Variants in PHYHIPL observed in about 807,000 individuals in gnomAD.
The protein encoded by PHYHIPL is phytanoyl-CoA 2-hydroxylase interacting protein like.
In PHYHIPL, 9 loss-of-function variants were observed where a neutral mutation model predicts 33.4. The ratio of observed to expected loss-of-function variants is 0.27; its 90% CI spans 0.16 to 0.47. PHYHIPL has a LOEUF of 0.47. PHYHIPL is among the 20% of genes least tolerant of loss of function. The pLI is 0.99. For missense variants in PHYHIPL, 365 were observed against 460.7 expected, an observed-to-expected ratio of 0.79 and a Z score of 1.90; for synonymous variants, 153 against 154.1, an observed-to-expected ratio of 0.99 and a Z score of 0.05.
intron 4 of PHYHIPL, among the ~76,000 whole-genome samples, chr10:59,242,493 G>A (rs1387214723): frequency 6.6e-6 from 1 of 152,026 alleles, no homozygotes; most frequent in Non-Finnish European, 1.5e-5. Context: ...AACTTAAAAT[G>A]TCCAGGATAC....
rs184545791 is a variant in PHYHIPL, at chr10:59,178,689, A to C, written c.106+1730A>C. Among the ~76,000 whole-genome samples the C allele has an allele frequency of 4.8e-3, 725 of 152,264 alleles. 4 individuals carry two copies. The highest frequency in any genetic ancestry group is 0.017 in the African/African-American group (700 of 41,568). ...CTCAATACTTAAAACCGCATTTACC[A>C]CGTGTTTCAAAGATATTAGGGAAAA... On this transcript the variant is annotated intron_variant, in intron 1 of 4. Transcript: ENST00000373880.
In PHYHIPL at chr10:59,233,209, A is replaced by G. The variant is rs7919419; in HGVS notation, c.107-1095A>G. 9.8e-3 allele frequency among the ~76,000 whole-genome samples: 1,487 copies of G among 152,060 alleles called. 27 individuals carry two copies. Among genetic ancestry groups the G allele is most frequent in the African/African-American group, 0.034 (1,427 of 41,548 alleles). ...ACAACGCAGCTTCAGATGAGACAAC[A>G]TGGGTCAAAGATTTAATGAAGTTGG... On this transcript the variant is annotated intron_variant, in intron 1 of 4. Transcript: ENST00000373880.
chr10:59,217,003 ATACTT>A lies in PHYHIPL; in HGVS notation c.107-17291_107-17287del, dbSNP rs543681667. ...TAACTATCTGAGAAAATAGTTTGTAATACTTTACTTTACTATTCTTGGAGTGAGAT... is the reference window on the plus strand; with the variant it reads ...TAACTATCTGAGAAAATAGTTTGTAATACTTTACTATTCTTGGAGTGAGAT... On this transcript the variant is annotated intron_variant, in intron 1 of 4. Transcript: ENST00000373880. Among the ~76,000 whole-genome samples, 546 of 152,200 alleles carry A rather than the reference ATACTT, an allele frequency of 3.6e-3. 4 individuals are homozygous for A. Among genetic ancestry groups the A allele is most frequent in the African/African-American group, 9.5e-3 (394 of 41,558 alleles).
intron 1 of PHYHIPL, among the ~76,000 whole-genome samples, chr10:59,209,365 G>A (rs1305995621): frequency 2.0e-5 from 3 of 152,134 alleles, no homozygotes; most frequent in African/African-American, 7.2e-5. Context: ...ATTCTTTACA[G>A]AGAAGCAAAT....
intron 1 of PHYHIPL, among the ~76,000 whole-genome samples, chr10:59,199,560 A>T (rs576848706): frequency 2.6e-5 from 4 of 152,182 alleles, no homozygotes; most frequent in Non-Finnish European, 4.4e-5. Context: ...GTTCCATATG[A>T]ACTTTAAAGT....
At chr10:59,242,890 T>TATC (rs1280236815) in intron 4 of PHYHIPL, among the ~76,000 whole-genome samples, 1 of 152,148 alleles carries the variant, frequency 6.6e-6, no homozygotes, top group Non-Finnish European at 1.5e-5. Flanking sequence ...GAAAAATATA[T>TATC]ATCAGTCTTA....
intron 1 of PHYHIPL, among the ~76,000 whole-genome samples, chr10:59,202,614 T>G (rs899628813): frequency 1.3e-5 from 2 of 152,208 alleles, no homozygotes; most frequent in African/African-American, 2.4e-5. Context: ...AGTGCTTAAA[T>G]AGTATTACAT....
chr10:59,185,920 G>A (rs553639307), intron 1 of PHYHIPL, among the ~76,000 whole-genome samples: 1 of 152,136 alleles, frequency 6.6e-6, no homozygotes, highest in African/African-American at 2.4e-5. Flanking sequence ...TATGTTGCCT[G>A]TTCACTCTGT....
chr10:59,192,265 T>G (rs1056594703), intron 1 of PHYHIPL, among the ~76,000 whole-genome samples: 8 of 152,270 alleles, frequency 5.3e-5, no homozygotes, highest in Non-Finnish European at 7.4e-5. Flanking sequence ...ATGATAATGT[T>G]TGATACACTT....
intron 1 of PHYHIPL, among the ~76,000 whole-genome samples, chr10:59,223,602 C>T (rs929215736): frequency 3.3e-5 from 5 of 151,600 alleles, no homozygotes; most frequent in East Asian, 1.9e-4. Flanking sequence ...ATATGAATAA[C>T]GATGATAAAA....
chr10:59,207,890 CAAAA>C, intron 1 of PHYHIPL, among the ~76,000 whole-genome samples: 1 of 91,382 alleles, frequency 1.1e-5, no homozygotes, highest in East Asian at 3.3e-4. Context: ...GACTCTGTCT[CAAAA>C]AAAAAAAAAA....
intron 1 of PHYHIPL, among the ~76,000 whole-genome samples, chr10:59,225,605 A>T (rs1471204167): frequency 6.6e-6 from 1 of 152,198 alleles, no homozygotes; most frequent in African/African-American, 2.4e-5. Context: ...GAATACTGGT[A>T]GTAGAAAGCC....
chr10:59,208,476 C>T (rs1031160977), intron 1 of PHYHIPL, among the ~76,000 whole-genome samples: 2 of 152,090 alleles, frequency 1.3e-5, no homozygotes, highest in South Asian at 2.1e-4. Flanking sequence ...GAAAAACCAG[C>T]GCAAAAAGGC....
chr10:59,209,395 A>G lies in PHYHIPL; in HGVS notation c.107-24909A>G, dbSNP rs370300256. On this transcript the variant is annotated intron_variant, in intron 1 of 4. Coordinates refer to ENST00000373880, the MANE Select transcript of PHYHIPL (RefSeq NM_032439.4). ...GCAAATGCTGAGAGATTTTGTCACC[A>G]CTAGGCCTGCCTTACAAAAGCTTCT... is the stretch of plus-strand genomic sequence containing the variant. Among the ~76,000 whole-genome samples, 9 of 152,322 alleles carry G rather than the reference A, an allele frequency of 5.9e-5. No homozygotes were observed. The East Asian group carries it at 1.7e-3, about 29-fold the overall frequency.
intron 1 of PHYHIPL, among the ~76,000 whole-genome samples, chr10:59,178,788 G>A (rs1838322807): frequency 6.6e-6 from 1 of 152,118 alleles, no homozygotes. Context: ...TGATCCCCTA[G>A]AGGAGTAGCT....
intron 1 of PHYHIPL, among the ~76,000 whole-genome samples, chr10:59,199,894 G>A (rs905226254): frequency 2.0e-5 from 3 of 152,074 alleles, no homozygotes; most frequent in Admixed American, 2.0e-4. Flanking sequence ...TGTGATTTTT[G>A]CACCTTGATT....
intron 1 of PHYHIPL, among the ~76,000 whole-genome samples, chr10:59,210,614 T>G (rs780433101): frequency 5.9e-4 from 90 of 152,122 alleles, no homozygotes; most frequent in Non-Finnish European, 1.0e-3. Context: ...CTACTATAAA[T>G]ACATGTGCAC....
At chr10:59,235,507 G>A (rs1840201931) in intron 2 of PHYHIPL, among the ~76,000 whole-genome samples, 1 of 151,706 alleles carries the variant, frequency 6.6e-6, no homozygotes, top group Non-Finnish European at 1.5e-5. Flanking sequence ...TTTATTAGAT[G>A]TGCGATTATA....
At chr10:59,243,417 A>C (rs547572287) in intron 4 of PHYHIPL, among the ~76,000 whole-genome samples, 1 of 152,290 alleles carries the variant, frequency 6.6e-6, no homozygotes, top group African/African-American at 2.4e-5. Flanking sequence ...GGAAATAATA[A>C]AAGAAGGAAA....
Sources: allele counts gnomAD v4.1 joint callset (sites outside exome capture counted in the v4.1 genomes callset), GRCh38; gene constraint gnomAD v4.1.1; transcripts MANE v1.5; gene names NCBI Gene and HGNC (gene_info 2026-07-23, HGNC 2026-07-21).